Variants in SLC46A3 observed in about 807,000 individuals in gnomAD.
SLC46A3 encodes solute carrier family 46 member 3.
In SLC46A3, 26 loss-of-function variants were observed where a neutral mutation model predicts 38.5. The ratio of observed to expected loss-of-function variants is 0.68; its 90% confidence interval spans 0.49 to 0.94. The LOEUF (loss-of-function observed/expected upper bound fraction) is 0.94. Ranked by LOEUF, SLC46A3 falls within the 40% of genes least tolerant of loss-of-function variation. The pLI is 0.00. For synonymous variants in SLC46A3, 185 were observed against 192.5 expected (o/e 0.96, Z 0.32); for missense variants, 510 against 544.3 (o/e 0.94, Z 0.63).
chr13:28,717,209 A>G (rs1270465666), intron 2 of SLC46A3, among the ~76,000 whole-genome samples: 1 of 152,096 alleles, frequency 6.6e-6, no homozygotes, highest in Non-Finnish European at 1.5e-5. Context: ...TCCCCACTCC[A>G]GATGTCCCCA....
chr13:28,718,026 T>C lies in SLC46A3; in HGVS notation c.-24-4A>G, dbSNP rs772013926. The C allele has an allele frequency of 6.9e-6, 11 of 1,589,614 alleles. No individual in the cohort carries two copies. In the African/African-American group the frequency reaches 1.4e-4, roughly 20 times the overall value. ...TGCCTGGGTAGGTAGCTGTATTCTATAAAAAGTGAAAACGGAGAAAGATCA... is the reference window on the plus strand; with the variant it reads ...TGCCTGGGTAGGTAGCTGTATTCTACAAAAAGTGAAAACGGAGAAAGATCA... On this transcript the variant is annotated splice_region_variant and splice_polypyrimidine_tract_variant and intron_variant, in intron 1 of 5. Transcript: ENST00000266943.
chr13:28,705,218 G>A (rs2137823526), intron 4 of SLC46A3, among the ~76,000 whole-genome samples: 1 of 152,170 alleles, frequency 6.6e-6, no homozygotes, highest in South Asian at 2.1e-4. Context: ...TCCCTACTTT[G>A]CCAAGTTTAC....
chr13:28,701,152 G>T lies in SLC46A3; in HGVS notation c.*345C>A. 1 of 1,421,372 alleles carries T rather than the reference G, an allele frequency of 7.0e-7. No homozygotes were observed. Among genetic ancestry groups the T allele is most frequent in the Non-Finnish European group, 9.2e-7 (1 of 1,087,394 alleles). 88.0% of individuals were successfully genotyped at this position (1,421,372 alleles called of 1,614,324 possible). On this transcript the variant is annotated 3_prime_UTR_variant, in exon 6 of 6. Transcript: ENST00000266943. ...CTCTTTGGTCTCAGTGTAAGAGCCT[G>T]GAATATGTCAGAGAGATTATTGCTT... is the stretch of plus-strand genomic sequence containing the variant.
chr13:28,702,360 C>A (rs747834862), intron 5 of SLC46A3, among the ~76,000 whole-genome samples: 4 of 152,158 alleles, frequency 2.6e-5, no homozygotes, highest in African/African-American at 7.2e-5. Flanking sequence ...CACTGTTGGA[C>A]AGTTTGGTCA....
At position 28,701,398 on chromosome 13, in the gene SLC46A3, C is replaced by A; in HGVS notation, c.*99G>T. On this transcript the variant is annotated 3_prime_UTR_variant, in exon 6 of 6. Transcript: ENST00000266943. The stretch of plus-strand genomic sequence containing the variant: ...GAAGAAAAGATAGGTAAAATTGGTT[C>A]TCAGTGAAGCACTGATTGTGGAATT... The A allele has an allele frequency of 6.6e-7, 1 of 1,509,792 alleles. No homozygotes were observed. The highest frequency in any genetic ancestry group is 8.8e-7 in the Non-Finnish European group (1 of 1,132,584). 93.5% of individuals were successfully genotyped at this position (1,509,792 alleles called of 1,614,324 possible).
rs1387683548 is a variant in SLC46A3 at position 28,718,002 on chromosome 13, G to A, written c.-4C>T. 3 of 1,611,546 alleles carry A rather than the reference G, an allele frequency of 1.9e-6. No individual in the cohort carries two copies. Among genetic ancestry groups the A allele is most frequent in the Admixed American group, 1.7e-5 (1 of 59,594 alleles). ...GTTCTACAAATAAAATCTTCATATTGCCTGGGTAGGTAGCTGTATTCTATA... is the reference window on the plus strand; with the variant it reads ...GTTCTACAAATAAAATCTTCATATTACCTGGGTAGGTAGCTGTATTCTATA... On this transcript the variant is annotated 5_prime_UTR_variant, in exon 2 of 6. Transcript: ENST00000266943.
chr13:28,701,770 T>C (rs1336163941), intron 5 of SLC46A3, among the ~76,000 whole-genome samples, 189 bp from the exon 6 acceptor site: 2 of 152,210 alleles, frequency 1.3e-5, no homozygotes, highest in African/African-American at 2.4e-5. Flanking sequence ...TAAAACTGCA[T>C]GATTTTTTTT....
intron 4 of SLC46A3, among the ~76,000 whole-genome samples, chr13:28,706,821 A>C (rs1885184799): frequency 6.6e-6 from 1 of 152,226 alleles, no homozygotes; most frequent in Non-Finnish European, 1.5e-5. Context: ...ACTGGCCATC[A>C]GAGAAATGCA....
chr13:28,710,833 C>CGGCA lies in SLC46A3; in HGVS notation c.1067_1070dup (p.Phe358AlafsTer24). On this transcript the variant is annotated frameshift_variant, in exon 4 of 6. Coordinates refer to ENST00000266943, the MANE Select transcript of SLC46A3 (RefSeq NM_181785.4). LOFTEE classifies it high-confidence loss of function. ...AGAATGGCACAATAGTGAAAAGGAACGGCACCCTGGCTGTGAGAGAAAGGA... is the reference window on the plus strand; with the variant it reads ...AGAATGGCACAATAGTGAAAAGGAACGGCAGGCACCCTGGCTGTGAGAGAAAGGA... 6.2e-7 allele frequency: 1 copy of CGGCA among 1,613,282 alleles called. No individual in the cohort carries two copies. Among genetic ancestry groups the CGGCA allele is most frequent in the Middle Eastern group, 1.6e-4 (1 of 6,062 alleles).
chr13:28,712,782 A>T lies in SLC46A3; in HGVS notation c.958T>A (p.Tyr320Asn). The change falls in exon 3 of 6, where the codon TAT (tyrosine) becomes AAT (asparagine). Residue 320 changes from tyrosine (Y) to asparagine (N), a missense_variant. Physicochemically the swap from Tyr to Asn is moderately radical, Grantham distance 143. Coordinates refer to ENST00000266943, the MANE Select transcript of SLC46A3 (RefSeq NM_181785.4). The part of the protein sequence containing the change: ...TSFLGIWLFS[Y>N]CMEDIHMAFI... ...GCCATATGAATATCTTCCATACAATAAGAAAAAAGCCATATTCCTAGGAAA... is the reference window on the plus strand; with the variant it reads ...GCCATATGAATATCTTCCATACAATTAGAAAAAAGCCATATTCCTAGGAAA... The T allele has an allele frequency of 6.2e-7, 1 of 1,613,774 alleles. No homozygotes were observed. Among genetic ancestry groups the T allele is most frequent in the South Asian group, 1.1e-5 (1 of 90,990 alleles).
Position 28,708,636 on chromosome 13 carries a change from T to C in SLC46A3, c.1144+2124A>G, listed in dbSNP as rs1885249884. 3.3e-5 allele frequency among the ~76,000 whole-genome samples: 5 copies of C among 149,490 alleles called. No individual in the cohort carries two copies. In the South Asian group the frequency reaches 1.1e-3, roughly 32 times the overall value. On this transcript the variant is annotated intron_variant, in intron 4 of 5. Coordinates refer to ENST00000266943, the MANE Select transcript of SLC46A3 (RefSeq NM_181785.4). ...TTTCTTTTTTTTTTTTTTTTTTGTA[T>C]TTTTAGTAGAGACGGGGTTTCACCA... is the stretch of plus-strand genomic sequence containing the variant.
At chr13:28,715,709 A>G (rs1203168703) in intron 2 of SLC46A3, among the ~76,000 whole-genome samples, 1 of 152,232 alleles carries the variant, frequency 6.6e-6, no homozygotes, top group Non-Finnish European at 1.5e-5. Context: ...AGGGTATTGA[A>G]TGTTCCCAAC....
rs1261874018 is a variant in SLC46A3 at position 28,703,973 on chromosome 13, C to T, written c.1271G>A (p.Gly424Asp). The T allele has an allele frequency of 6.2e-7, 1 of 1,613,534 alleles. No individual in the cohort carries two copies. Among genetic ancestry groups the T allele is most frequent in the Admixed American group, 1.7e-5 (1 of 59,940 alleles). Residue 424 changes from glycine (G) to aspartate (D), a missense_variant, in exon 5 of 6, where the codon GGT becomes GAT. By Grantham distance (94) the Gly-to-Asp change is moderately conservative. Transcript: ENST00000266943. Reference sequence around the variant, plus strand: ...ACTGATGGCTGGAAGTAGTAACAGACCAGCAGACAGCAGGAAAGTGAAGCC... The same window carrying T: ...ACTGATGGCTGGAAGTAGTAACAGATCAGCAGACAGCAGGAAAGTGAAGCC... ...YPGFTFLLSA[G>D]LLLLPAISLC...
In SLC46A3 at chr13:28,704,215, G is replaced by C. The variant is rs575728801; in HGVS notation, c.1145-116C>G. The C allele has an allele frequency of 5.5e-5, 50 of 916,894 alleles. No individual in the cohort carries two copies. The South Asian group carries it at 8.8e-4, about 16-fold the overall frequency. 56.8% of individuals were successfully genotyped at this position (916,894 alleles called of 1,614,324 possible). A position where few individuals can be genotyped will look rare whatever the true frequency, so the allele number is the denominator to read the frequency against. On this transcript the variant is annotated intron_variant, in intron 4 of 5. Coordinates refer to ENST00000266943, the MANE Select transcript of SLC46A3 (RefSeq NM_181785.4). The stretch of plus-strand genomic sequence containing the variant: ...TGAAAACAGTAAACATGAGGGCACT[G>C]CTGGGTGAATGAAATGAAAGTTATT...
chr13:28,707,070 A>G (rs1292408483), intron 4 of SLC46A3, among the ~76,000 whole-genome samples: 2 of 152,160 alleles, frequency 1.3e-5, no homozygotes, highest in African/African-American at 4.8e-5. Flanking sequence ...AAAGGATTAT[A>G]AAACATGCTG....
At chr13:28,703,658 C>A (rs1885091879) in intron 5 of SLC46A3, 1 of 171,534 alleles carries the variant, frequency 5.8e-6, no homozygotes, top group African/African-American at 2.4e-5. Context: ...ACATACACCA[C>A]CATGACCGGT....
At chr13:28,713,584 CAG>C in intron 2 of SLC46A3, 34 bp from the exon 3 acceptor site, 1 of 1,563,822 alleles carries the variant, frequency 6.4e-7, no homozygotes, top group Non-Finnish European at 8.7e-7. Context: ...AATGTGTTTA[CAG>C]TAGTTAACAC....
intron 4 of SLC46A3, among the ~76,000 whole-genome samples, chr13:28,707,890 A>G (rs1015487410): frequency 2.0e-5 from 3 of 152,178 alleles, no homozygotes; most frequent in Non-Finnish European, 4.4e-5. Context: ...GGATTTGCCT[A>G]TTCTGCACAT....
intron 5 of SLC46A3, chr13:28,703,722 G>T: frequency 3.0e-6 from 1 of 337,800 alleles, no homozygotes; most frequent in Non-Finnish European, 5.3e-6. Context: ...AACACTTCAT[G>T]AATTTTCCTG....
Sources: allele counts gnomAD v4.1 joint callset (sites outside exome capture counted in the v4.1 genomes callset), GRCh38; gene constraint gnomAD v4.1.1; transcripts MANE v1.5; gene names NCBI Gene and HGNC (gene_info 2026-07-23, HGNC 2026-07-21).